Variants in FSTL5 observed in about 807,000 individuals in gnomAD.
FSTL5 encodes the protein follistatin-related protein 5.
In FSTL5, 62 loss-of-function variants were observed where a neutral mutation model predicts 89.1. The observed-to-expected ratio is 0.70, with a 90% confidence interval of 0.57 to 0.86. FSTL5 has a LOEUF of 0.86. Ranked by LOEUF, FSTL5 falls within the 40% of genes least tolerant of loss-of-function variation. The pLI is 0.00. For synonymous variants in FSTL5, 383 were observed against 346.2 expected (o/e 1.11, Z -1.18); for missense variants, 1,057 against 1,001.6 (o/e 1.06, Z -0.75).
At chr4:162,095,590 C>T (rs1561016103) in intron 2 of FSTL5, among the ~76,000 whole-genome samples, 1 of 151,890 alleles carries the variant, frequency 6.6e-6, no homozygotes, top group Non-Finnish European at 1.5e-5. Context: ...AAGAGAGGAA[C>T]ACTAAGCAGA....
intron 9 of FSTL5, 81 bp downstream of exon 9, chr4:161,542,451 T>G: frequency 1.0e-6 from 1 of 978,822 alleles, no homozygotes. Context: ...ATTTTTCTTT[T>G]ATTTTCCAAA....
At chr4:161,910,606 C>G (rs1330271391) in intron 4 of FSTL5, among the ~76,000 whole-genome samples, 1 of 152,122 alleles carries the variant, frequency 6.6e-6, no homozygotes, top group South Asian at 2.1e-4. Flanking sequence ...CATACTCAAT[C>G]TGTGGCAAAT....
intron 4 of FSTL5, among the ~76,000 whole-genome samples, chr4:161,851,506 CA>C (rs1486040145): frequency 6.6e-6 from 1 of 151,868 alleles, no homozygotes; most frequent in Admixed American, 6.6e-5. Context: ...CAAAATGAAA[CA>C]AAAAGTATGT....
chr4:161,552,900 C>T (rs1183243403), intron 8 of FSTL5, among the ~76,000 whole-genome samples: 1 of 151,582 alleles, frequency 6.6e-6, no homozygotes, highest in East Asian at 1.9e-4. Context: ...TAATCCTCCA[C>T]AGAACATTTC....
chr4:161,598,441 G>T (rs961972370), intron 7 of FSTL5, among the ~76,000 whole-genome samples: 2 of 152,180 alleles, frequency 1.3e-5, no homozygotes, highest in East Asian at 1.9e-4. Context: ...AGTTGATTTA[G>T]ATTTGTAAGA....
At chr4:161,514,415 GAAAATGGGTTC>G (rs1419105670) in intron 10 of FSTL5, among the ~76,000 whole-genome samples, 1 of 152,064 alleles carries the variant, frequency 6.6e-6, no homozygotes, top group Non-Finnish European at 1.5e-5. Flanking sequence ...GTAAGAGCTA[GAAAATGGGTTC>G]ACATGGACAT....
intron 2 of FSTL5, among the ~76,000 whole-genome samples, chr4:162,073,911 G>T (rs935533396): frequency 6.6e-6 from 1 of 151,638 alleles, no homozygotes; most frequent in African/African-American, 2.4e-5. Flanking sequence ...ATTAAATATG[G>T]TGCATTTTAT....
intron 6 of FSTL5, among the ~76,000 whole-genome samples, chr4:161,699,319 A>T (rs939772379): frequency 1.3e-5 from 2 of 152,214 alleles, no homozygotes; most frequent in Non-Finnish European, 2.9e-5. Flanking sequence ...GGCTATAGAA[A>T]TATTTTCACT....
At chr4:161,709,357 A>G (rs534220123) in intron 6 of FSTL5, among the ~76,000 whole-genome samples, 1 of 152,276 alleles carries the variant, frequency 6.6e-6, no homozygotes, top group South Asian at 2.1e-4. Context: ...ATCTTATTGA[A>G]TTATAAAATG....
chr4:161,703,632 T>C (rs887236806), intron 6 of FSTL5, among the ~76,000 whole-genome samples: 1 of 152,158 alleles, frequency 6.6e-6, no homozygotes, highest in Non-Finnish European at 1.5e-5. Flanking sequence ...CTTTGGCAAT[T>C]ACTCTGTTTT....
At chr4:161,582,870 T>C (rs1733482763) in intron 8 of FSTL5, among the ~76,000 whole-genome samples, 1 of 152,210 alleles carries the variant, frequency 6.6e-6, no homozygotes, top group Admixed American at 6.5e-5. Context: ...TTATCACTGG[T>C]GCTTTCATTA....
At chr4:161,961,520 GAA>G (rs1487780746) in intron 3 of FSTL5, among the ~76,000 whole-genome samples, 2,384 of 10,808 alleles carry the variant, frequency 0.22, 67 homozygotes, top group African/African-American at 0.37. Flanking sequence ...CATTACTCTA[GAA>G]AAATATATAT....
chr4:162,001,391 GCAT>G (rs1736458657), intron 3 of FSTL5, among the ~76,000 whole-genome samples: 1 of 152,066 alleles, frequency 6.6e-6, no homozygotes, highest in African/African-American at 2.4e-5. Context: ...TGAAAAGGAG[GCAT>G]CATTGAATAG....
At chr4:161,702,836 T>A (rs186184848) in intron 6 of FSTL5, among the ~76,000 whole-genome samples, 26 of 152,226 alleles carry the variant, frequency 1.7e-4, no homozygotes, top group African/African-American at 4.8e-4. Context: ...AAAAACAACC[T>A]GATAGTGAGT....
intron 15 of FSTL5, among the ~76,000 whole-genome samples, chr4:161,402,221 G>T (rs1011550298): frequency 6.6e-6 from 1 of 152,014 alleles, no homozygotes; most frequent in African/African-American, 2.4e-5. Flanking sequence ...TGCATCATTT[G>T]CAACAAAAAG....
At chr4:161,581,294 A>G (rs1238542545) in intron 8 of FSTL5, among the ~76,000 whole-genome samples, 1 of 152,204 alleles carries the variant, frequency 6.6e-6, no homozygotes, top group South Asian at 2.1e-4. Context: ...CTCCTTGTGC[A>G]TGAACCACAG....
At chr4:161,520,115 C>G (rs1730973781) in intron 10 of FSTL5, among the ~76,000 whole-genome samples, 1 of 151,884 alleles carries the variant, frequency 6.6e-6, no homozygotes, top group Non-Finnish European at 1.5e-5. Flanking sequence ...CTTATCATTG[C>G]AGAGAACAGA....
intron 4 of FSTL5, among the ~76,000 whole-genome samples, chr4:161,863,350 AG>A: frequency 6.6e-6 from 1 of 152,192 alleles, no homozygotes; most frequent in East Asian, 1.9e-4. Flanking sequence ...GTTTAGTTTC[AG>A]GCAAGGGAAG....
intron 8 of FSTL5, among the ~76,000 whole-genome samples, chr4:161,578,940 A>G (rs1733332837): frequency 6.6e-6 from 1 of 152,166 alleles, no homozygotes; most frequent in Non-Finnish European, 1.5e-5. Flanking sequence ...TGGCCAAGAA[A>G]ATGTATCAGG....
Sources: allele counts gnomAD v4.1 joint callset (sites outside exome capture counted in the v4.1 genomes callset), GRCh38; gene constraint gnomAD v4.1.1; transcripts MANE v1.5; gene names NCBI Gene and HGNC (gene_info 2026-07-23, HGNC 2026-07-21).